The following SRPK2 variants were observed in gnomAD, a reference collection of about 807,000 sequenced individuals.
SRPK2 encodes the protein SRSF protein kinase 2.
Under a neutral mutation model 90.8 loss-of-function variants are expected in SRPK2, and 21 were observed. The observed-to-expected ratio is 0.23, with a 90% CI of 0.16 to 0.33. The LOEUF (loss-of-function observed/expected upper bound fraction) is 0.33, where lower values mean the gene tolerates loss of function less well. SRPK2 is among the 10% of genes least tolerant of loss of function. SRPK2 has a pLI of 1.00. For missense variants in SRPK2, 620 were observed against 869.0 expected (o/e 0.71, Z 3.60); for synonymous variants, 288 against 311.1 (o/e 0.93, Z 0.78).
intron 2 of SRPK2, among the ~76,000 whole-genome samples, chr7:105,313,216 T>C (rs1392231927): frequency 6.6e-6 from 1 of 151,488 alleles, no homozygotes; most frequent in Non-Finnish European, 1.5e-5. Context: ...AAGGCCAACA[T>C]GGGCGGATTG....
chr7:105,303,728 C>T (rs1048653963), intron 2 of SRPK2, among the ~76,000 whole-genome samples: 19 of 151,994 alleles, frequency 1.3e-4, no homozygotes, highest in African/African-American at 4.6e-4. Context: ...TCTCATCTTT[C>T]GTAAACCTGT....
intron 2 of SRPK2, chr7:105,301,436 G>A (rs1037347804): frequency 8.1e-6 from 6 of 745,042 alleles, no homozygotes; most frequent in South Asian, 3.0e-5. Context: ...AAAGGGGGTC[G>A]CCGGGCCTCT....
At chr7:105,388,413 A>T (rs1341096902) in intron 2 of SRPK2, among the ~76,000 whole-genome samples, 2 of 146,274 alleles carry the variant, frequency 1.4e-5, no homozygotes, top group Non-Finnish European at 3.0e-5. Context: ...CCGGGGCGGG[A>T]GGTCGCGGGG....
At chr7:105,276,099 A>C (rs1009171223) in intron 2 of SRPK2, among the ~76,000 whole-genome samples, 1 of 151,084 alleles carries the variant, frequency 6.6e-6, no homozygotes, top group Non-Finnish European at 1.5e-5. Flanking sequence ...TTTTTTTTAG[A>C]GGGACAGAGT....
intron 3 of SRPK2, among the ~76,000 whole-genome samples, chr7:105,188,931 G>C (rs1448786308): frequency 6.6e-6 from 1 of 152,166 alleles, no homozygotes; most frequent in Non-Finnish European, 1.5e-5. Flanking sequence ...TTTTAGCTGG[G>C]AGCATAAAAG....
chr7:105,136,832 G>T (rs866121203), intron 11 of SRPK2, among the ~76,000 whole-genome samples: 2 of 152,286 alleles, frequency 1.3e-5, no homozygotes, highest in South Asian at 4.1e-4. Context: ...TCAACCATTC[G>T]TGCAACAAAT....
At chr7:105,153,555 C>T (rs1048633628) in intron 7 of SRPK2, among the ~76,000 whole-genome samples, 4 of 152,186 alleles carry the variant, frequency 2.6e-5, no homozygotes, top group Non-Finnish European at 5.9e-5. Context: ...TAAAGACTGT[C>T]TCCCTGGCCT....
chr7:105,352,697 C>T (rs1425572875), intron 2 of SRPK2, among the ~76,000 whole-genome samples: 4 of 152,080 alleles, frequency 2.6e-5, no homozygotes, highest in African/African-American at 4.8e-5. Context: ...GTCAGGGTAT[C>T]GAGACCAGCC....
At chr7:105,335,744 G>A (rs912457531) in intron 2 of SRPK2, among the ~76,000 whole-genome samples, 7 of 151,502 alleles carry the variant, frequency 4.6e-5, no homozygotes, top group East Asian at 1.9e-4. Context: ...ACCTGAGGTC[G>A]GGAGTTCAAG....
chr7:105,145,770 A>G (rs1562983932), intron 8 of SRPK2, among the ~76,000 whole-genome samples: 1 of 152,232 alleles, frequency 6.6e-6, no homozygotes, highest in Non-Finnish European at 1.5e-5. Flanking sequence ...TAGTCTAGGA[A>G]TCACATGATT....
intron 3 of SRPK2, among the ~76,000 whole-genome samples, chr7:105,191,961 G>A (rs1794341756): frequency 6.6e-6 from 1 of 150,482 alleles, no homozygotes; most frequent in Admixed American, 6.6e-5. Context: ...ATGATCTTCT[G>A]CCTTGGCCTC....
intron 2 of SRPK2, among the ~76,000 whole-genome samples, chr7:105,355,342 A>C (rs1817659216): frequency 6.8e-6 from 1 of 147,430 alleles, no homozygotes; most frequent in Non-Finnish European, 1.5e-5. Flanking sequence ...CGAAAAAAAA[A>C]AAATTTTTTT....
At chr7:105,374,014 A>G (rs1255087560) in intron 2 of SRPK2, among the ~76,000 whole-genome samples, 1 of 152,048 alleles carries the variant, frequency 6.6e-6, no homozygotes, top group Non-Finnish European at 1.5e-5. Context: ...TGCAACGTCT[A>G]CCTCTTGTGT....
chr7:105,361,313 T>C, intron 2 of SRPK2, among the ~76,000 whole-genome samples: 1 of 151,990 alleles, frequency 6.6e-6, no homozygotes, highest in East Asian at 1.9e-4. Flanking sequence ...CACTGCTCAA[T>C]GAAATAAAAG....
At chr7:105,124,640 T>TAAAAAAAAAAAAAAAAAAAAAAA (rs57925635) in intron 15 of SRPK2, among the ~76,000 whole-genome samples, 2 of 52,932 alleles carry the variant, frequency 3.8e-5, no homozygotes, top group African/African-American at 1.2e-4. Flanking sequence ...AAACTCCATC[T>TAAAAAAAAAAAAAAAAAAAAAAA]AAAAAAAAAA....
chr7:105,258,906 T>A (rs891053051), intron 2 of SRPK2, among the ~76,000 whole-genome samples: 1 of 152,192 alleles, frequency 6.6e-6, no homozygotes, highest in African/African-American at 2.4e-5. Context: ...AGGAGTTATT[T>A]ATGACAAACC....
At chr7:105,374,374 CAA>C (rs1269327091) in intron 2 of SRPK2, among the ~76,000 whole-genome samples, 3 of 152,044 alleles carry the variant, frequency 2.0e-5, no homozygotes, top group Non-Finnish European at 4.4e-5. Flanking sequence ...AGAGCTTTTC[CAA>C]AATTTAAGAG....
At chr7:105,195,728 A>G (rs374278991) in intron 3 of SRPK2, among the ~76,000 whole-genome samples, 6 of 152,322 alleles carry the variant, frequency 3.9e-5, no homozygotes, top group Admixed American at 3.9e-4. Flanking sequence ...CTCTATTCAA[A>G]TATAACATTC....
intron 2 of SRPK2, among the ~76,000 whole-genome samples, chr7:105,243,182 T>C (rs1043944857): frequency 6.6e-6 from 1 of 152,082 alleles, no homozygotes; most frequent in Non-Finnish European, 1.5e-5. Context: ...TTTTATTATC[T>C]GGGTAGATAA....
Sources: gnomAD v4.1 joint callset for allele counts (sites outside exome capture counted in the v4.1 genomes callset) on GRCh38, gnomAD v4.1.1 for gene constraint, MANE v1.5 for transcripts, NCBI Gene and HGNC (gene_info 2026-07-23, HGNC 2026-07-21) for gene names.